Variants in NEDD4L observed in about 807,000 individuals in gnomAD.
The protein encoded by NEDD4L is E3 ubiquitin-protein ligase NEDD4-like.
Under a neutral mutation model 148.9 loss-of-function variants are expected in NEDD4L, and 54 were observed. The ratio of observed to expected loss-of-function variants is 0.36; its 90% CI spans 0.29 to 0.45. The LOEUF is 0.45. Among genes scored for constraint, NEDD4L ranks in the 20% least tolerant of loss-of-function variants. The pLI, the probability that NEDD4L is intolerant of heterozygous loss-of-function variation, is 1.00. For synonymous variants in NEDD4L, 433 were observed against 440.7 expected (o/e 0.98, Z 0.22); for missense variants, 856 against 1,233.8 (o/e 0.69, Z 4.59).
intron 26 of NEDD4L, 93 bp from the exon 27 acceptor site, chr18:58,387,346 T>G: frequency 7.2e-7 from 1 of 1,386,194 alleles, no homozygotes; most frequent in Non-Finnish European, 9.6e-7. Context: ...GATTATATTT[T>G]TTTCTGGCTA....
intron 2 of NEDD4L, among the ~76,000 whole-genome samples, chr18:58,188,699 A>G (rs1261123741): frequency 6.6e-6 from 1 of 152,240 alleles, no homozygotes; most frequent in African/African-American, 2.4e-5. Context: ...GCACTAACCT[A>G]CCTGCCTCCA....
At chr18:58,272,559 A>G (rs2051204597) in intron 5 of NEDD4L, among the ~76,000 whole-genome samples, 1 of 151,940 alleles carries the variant, frequency 6.6e-6, no homozygotes, top group Non-Finnish European at 1.5e-5. Flanking sequence ...AGCTTGGGGA[A>G]ACTGAGGCTG....
chr18:58,371,450 G>C (rs530768221), intron 23 of NEDD4L: 8 of 152,218 alleles, frequency 5.3e-5, no homozygotes, highest in African/African-American at 1.7e-4. Context: ...TACCTCCAGA[G>C]TGTATGGGTG....
At chr18:58,248,764 C>A in intron 3 of NEDD4L, 135 bp from the exon 4 acceptor site, 1 of 573,754 alleles carries the variant, frequency 1.7e-6, no homozygotes, top group Admixed American at 2.9e-5. Flanking sequence ...ACGCTAGTCT[C>A]AAATAATCGA....
chr18:58,215,476 T>C (rs1336458853), intron 2 of NEDD4L, among the ~76,000 whole-genome samples: 2 of 152,236 alleles, frequency 1.3e-5, no homozygotes, highest in Non-Finnish European at 2.9e-5. Flanking sequence ...TTTTCATTGA[T>C]AAGAATTCTT....
intron 5 of NEDD4L, among the ~76,000 whole-genome samples, chr18:58,283,400 T>G (rs1185175698): frequency 6.6e-6 from 1 of 152,166 alleles, no homozygotes; most frequent in African/African-American, 2.4e-5. Flanking sequence ...TTAAAGCCTG[T>G]GTTCGAAAGT....
chr18:58,072,868 G>A (rs990303108), intron 1 of NEDD4L, among the ~76,000 whole-genome samples: 7 of 115,808 alleles, frequency 6.0e-5, no homozygotes, highest in South Asian at 2.3e-4. Context: ...GCGCGCGCGC[G>A]CGCGCACACA....
intron 9 of NEDD4L, among the ~76,000 whole-genome samples, chr18:58,327,807 A>T (rs552832760): frequency 6.6e-6 from 1 of 152,052 alleles, no homozygotes; most frequent in Non-Finnish European, 1.5e-5. Context: ...TGTTAATGGG[A>T]TATGTTATCT....
intron 6 of NEDD4L, 93 bp downstream of exon 6, chr18:58,316,125 C>T: frequency 1.9e-6 from 2 of 1,052,968 alleles, no homozygotes; most frequent in South Asian, 2.8e-5. Context: ...ATTTCTTCAC[C>T]ACGGTGAAGA....
intron 5 of NEDD4L, among the ~76,000 whole-genome samples, chr18:58,257,057 A>G (rs1167398042): frequency 1.3e-5 from 2 of 152,176 alleles, no homozygotes; most frequent in African/African-American, 2.4e-5. Context: ...ATTTTTCTGA[A>G]TAGAAGAATT....
In NEDD4L at chr18:58,397,502, AC is replaced by A. The variant is rs2050572683; in HGVS notation, c.*1234del. 1 of 152,196 alleles carries A rather than the reference AC, an allele frequency of 6.6e-6. No homozygotes were observed. Among genetic ancestry groups the A allele is most frequent in the Non-Finnish European group, 1.5e-5 (1 of 68,032 alleles). The allele number at this position is 152,196 out of a possible 1,614,324, so 9.4% of individuals were successfully genotyped here. On this transcript the variant is annotated 3_prime_UTR_variant, in exon 31 of 31. Coordinates refer to ENST00000400345, the MANE Select transcript of NEDD4L (RefSeq NM_001144967.3). ...TGAGCCTACAGACCTGTCCTCACCA[AC>A]TGTTTTGTGATTTCTACTCAACTAC...
chr18:58,192,695 A>G (rs1387354433), intron 2 of NEDD4L, among the ~76,000 whole-genome samples: 5 of 128,638 alleles, frequency 3.9e-5, no homozygotes, highest in African/African-American at 1.9e-4. Context: ...GCCCACAGGT[A>G]CCTGTCTCTT....
rs185891274 is a variant in NEDD4L at position 58,278,507 on chromosome 18, T to C, written c.297+26453T>C. Among the ~76,000 whole-genome samples, 857 of 152,294 alleles carry C rather than the reference T, an allele frequency of 5.6e-3. 4 individuals carry two copies. The highest frequency in any genetic ancestry group is 7.1e-3 in the Non-Finnish European group (483 of 68,022). The stretch of plus-strand genomic sequence containing the variant: ...AAAAGTATGGATTTTACAGATCTTA[T>C]CCTCTCCTGTTCTGCCAAAACCCCA... On this transcript the variant is annotated intron_variant, in intron 5 of 30. Transcript: ENST00000400345.
intron 2 of NEDD4L, among the ~76,000 whole-genome samples, chr18:58,214,085 T>C (rs1376697088): frequency 6.6e-6 from 1 of 152,216 alleles, no homozygotes; most frequent in Non-Finnish European, 1.5e-5. Flanking sequence ...TAGGACCACA[T>C]TCCTGCTTTG....
intron 1 of NEDD4L, among the ~76,000 whole-genome samples, chr18:58,097,436 C>G (rs17760402): frequency 0.048 from 7,370 of 152,282 alleles, 484 homozygotes; most frequent in East Asian, 0.28. Flanking sequence ...CAGCACCAGG[C>G]AAAGTGTTCT....
chr18:58,319,721 T>TA (rs1020463016), intron 6 of NEDD4L, among the ~76,000 whole-genome samples: 4 of 152,344 alleles, frequency 2.6e-5, no homozygotes, highest in Middle Eastern at 6.8e-3. Flanking sequence ...GATCATCTTC[T>TA]AATTCAGGCT....
chr18:58,137,038 A>G (rs548570717), intron 1 of NEDD4L, among the ~76,000 whole-genome samples: 6 of 152,352 alleles, frequency 3.9e-5, no homozygotes, highest in Non-Finnish European at 8.8e-5. Context: ...CTTGAATCCA[A>G]GGGTAATACG....
At chr18:58,289,001 G>A (rs577309818) in intron 5 of NEDD4L, among the ~76,000 whole-genome samples, 4 of 152,212 alleles carry the variant, frequency 2.6e-5, no homozygotes, top group South Asian at 2.1e-4. Context: ...TTCAGTGTTC[G>A]ACATTTTATT....
intron 2 of NEDD4L, among the ~76,000 whole-genome samples, chr18:58,229,859 G>C (rs550803345): frequency 6.6e-6 from 1 of 152,012 alleles, no homozygotes; most frequent in Admixed American, 6.6e-5. Flanking sequence ...GCGTGGTGGC[G>C]GGCACCTGTA....
Sources: allele counts gnomAD v4.1 joint callset (sites outside exome capture counted in the v4.1 genomes callset), GRCh38; gene constraint gnomAD v4.1.1; transcripts MANE v1.5; gene names NCBI Gene and HGNC (gene_info 2026-07-23, HGNC 2026-07-21).